Variants in ROBO1 observed in about 807,000 individuals in gnomAD.
ROBO1 encodes the protein roundabout homolog 1.
In ROBO1, 149 loss-of-function variants were observed where a neutral mutation model predicts 195.9. The observed-to-expected ratio is 0.76, with a 90% CI of 0.67 to 0.87. The LOEUF (loss-of-function observed/expected upper bound fraction) is 0.87. ROBO1 is among the 40% of genes least tolerant of loss of function. ROBO1 has a pLI of 0.00. For synonymous variants in ROBO1, 816 were observed against 733.2 expected, an observed-to-expected ratio of 1.11 and a Z score of -1.82; for missense variants, 1,933 against 2,068.3, an observed-to-expected ratio of 0.93 and a Z score of 1.27.
intron 3 of ROBO1, among the ~76,000 whole-genome samples, chr3:78,997,914 A>G (rs2077407282): frequency 6.6e-6 from 1 of 152,122 alleles, no homozygotes; most frequent in Admixed American, 6.6e-5. Flanking sequence ...TTTGGAAATG[A>G]GAAGAGTAAC....
At chr3:79,078,909 A>C (rs1235236842) in intron 3 of ROBO1, among the ~76,000 whole-genome samples, 4 of 151,716 alleles carry the variant, frequency 2.6e-5, no homozygotes, top group African/African-American at 9.7e-5. Context: ...GCCCTCTCAT[A>C]TTGTCTTTCT....
chr3:79,520,157 CAA>C (rs111705222), intron 2 of ROBO1, among the ~76,000 whole-genome samples: 1,974 of 96,384 alleles, frequency 0.02, 38 homozygotes, highest in African/African-American at 0.066. Flanking sequence ...AAGATTCTAT[CAA>C]AAAAAAAAAA....
chr3:78,694,548 C>T (rs1327314888), intron 8 of ROBO1, among the ~76,000 whole-genome samples: 1 of 152,152 alleles, frequency 6.6e-6, no homozygotes, highest in East Asian at 1.9e-4. Context: ...ACAGAGAAAA[C>T]AAAACTAAGC....
chr3:78,628,677 C>T lies in ROBO1; in HGVS notation c.3627-1108G>A, dbSNP rs4681005. On this transcript the variant is annotated intron_variant, in intron 25 of 30. Coordinates refer to ENST00000464233, the MANE Select transcript of ROBO1 (RefSeq NM_002941.4). ...TAATATTTCTTTGCATCTTTCTTTACTTTCCTAATCTCACTATCTCCCTCT... is the reference window on the plus strand; with the variant it reads ...TAATATTTCTTTGCATCTTTCTTTATTTTCCTAATCTCACTATCTCCCTCT... Among the ~76,000 whole-genome samples the T allele has an allele frequency of 5.3e-3, 808 of 152,266 alleles. 14 individuals are homozygous for T. The highest frequency in any genetic ancestry group is 0.042 in the Admixed American group (648 of 15,290).
chr3:78,683,899 C>T lies in ROBO1; in HGVS notation c.1342+1847G>A, dbSNP rs139194853. Among the ~76,000 whole-genome samples the T allele has an allele frequency of 7.4e-3, 1,117 of 151,498 alleles. 10 individuals carry two copies. Among genetic ancestry groups the T allele is most frequent in the Non-Finnish European group, 0.013 (891 of 67,870 alleles). On this transcript the variant is annotated intron_variant, in intron 10 of 30. Transcript: ENST00000464233. ...TCAAGGTAGGACAGAAGAGTAAACA[C>T]ACTAATCATAAAAAAAAAATGGTTT...
intron 3 of ROBO1, among the ~76,000 whole-genome samples, chr3:79,049,176 G>A (rs1029734921): frequency 2.0e-5 from 3 of 152,150 alleles, no homozygotes; most frequent in Non-Finnish European, 4.4e-5. Context: ...TGGGTAACTA[G>A]AATAAGCAGT....
intron 4 of ROBO1, among the ~76,000 whole-genome samples, chr3:78,848,240 TA>T (rs2033798999): frequency 1.3e-5 from 2 of 152,124 alleles, no homozygotes; most frequent in Non-Finnish European, 1.5e-5. Flanking sequence ...GTAGAAATTT[TA>T]AAAAAGCTAC....
At chr3:79,547,580 G>A (rs1025349359) in intron 2 of ROBO1, among the ~76,000 whole-genome samples, 5 of 152,114 alleles carry the variant, frequency 3.3e-5, no homozygotes, top group Non-Finnish European at 5.9e-5. Flanking sequence ...CTATTCTAAA[G>A]TTCAGTATAA....
chr3:78,989,304 A>G (rs2077182344), intron 3 of ROBO1, among the ~76,000 whole-genome samples: 1 of 152,172 alleles, frequency 6.6e-6, no homozygotes, highest in Admixed American at 6.6e-5. Flanking sequence ...TATTTAAGAA[A>G]ATAAAATTTA....
At chr3:79,240,445 T>C (rs1057362298) in intron 2 of ROBO1, among the ~76,000 whole-genome samples, 1 of 152,138 alleles carries the variant, frequency 6.6e-6, no homozygotes, top group African/African-American at 2.4e-5. Flanking sequence ...TGTTAAAACA[T>C]TTAAGTCTGC....
intron 17 of ROBO1, among the ~76,000 whole-genome samples, chr3:78,659,263 C>T (rs1707229587): frequency 6.6e-6 from 1 of 152,116 alleles, no homozygotes; most frequent in African/African-American, 2.4e-5. Context: ...CTTTTAAATA[C>T]TTTAAAAAAT....
chr3:79,053,261 G>A (rs982439690), intron 3 of ROBO1, among the ~76,000 whole-genome samples: 1 of 151,730 alleles, frequency 6.6e-6, no homozygotes, highest in Non-Finnish European at 1.5e-5. Context: ...CACGGCCTTT[G>A]TTAGCTGATC....
intron 3 of ROBO1, among the ~76,000 whole-genome samples, chr3:78,942,517 C>A (rs1208204040): frequency 1.3e-5 from 2 of 151,972 alleles, no homozygotes; most frequent in Non-Finnish European, 2.9e-5. Context: ...GAAGAGCAGT[C>A]TCACTGAAGG....
chr3:78,712,827 G>C (rs2081796945), intron 8 of ROBO1, among the ~76,000 whole-genome samples: 1 of 152,126 alleles, frequency 6.6e-6, no homozygotes, highest in Non-Finnish European at 1.5e-5. Flanking sequence ...TGATTTCAAT[G>C]TCTACTGTAT....
chr3:79,004,989 C>CTTT (rs1290035889), intron 3 of ROBO1, among the ~76,000 whole-genome samples: 8 of 152,324 alleles, frequency 5.3e-5, no homozygotes, highest in African/African-American at 1.7e-4. Flanking sequence ...CTACATTCTT[C>CTTT]TAAAGGCTGC....
At chr3:79,243,266 C>T (rs1421673028) in intron 2 of ROBO1, among the ~76,000 whole-genome samples, 2 of 152,046 alleles carry the variant, frequency 1.3e-5, no homozygotes. Flanking sequence ...CAAGTCTTTG[C>T]TATTGTGAAT....
At chr3:78,853,462 G>GGT (rs60532634) in intron 4 of ROBO1, among the ~76,000 whole-genome samples, 100,356 of 149,264 alleles carry the variant, frequency 0.67, 34,040 homozygotes, top group Middle Eastern at 0.78. Context: ...GTATGTGTGG[G>GGT]GTGTGTGTGT....
chr3:78,765,855 T>C (rs2083217767), intron 4 of ROBO1, among the ~76,000 whole-genome samples: 1 of 152,222 alleles, frequency 6.6e-6, no homozygotes, highest in Non-Finnish European at 1.5e-5. Context: ...CCCTTGCTGA[T>C]AGATAGTAAG....
chr3:79,107,205 T>C (rs149816768), intron 3 of ROBO1, among the ~76,000 whole-genome samples: 148 of 150,304 alleles, frequency 9.8e-4, no homozygotes, highest in Middle Eastern at 3.4e-3. Flanking sequence ...GAGTTAAAGT[T>C]TAAAGAAAAA....
Sources: allele counts gnomAD v4.1 joint callset (sites outside exome capture counted in the v4.1 genomes callset), GRCh38; gene constraint gnomAD v4.1.1; transcripts MANE v1.5; gene names NCBI Gene and HGNC (gene_info 2026-07-23, HGNC 2026-07-21).